The following CHD8 variants were observed in gnomAD, a reference collection of about 807,000 sequenced individuals.
The protein encoded by CHD8 is chromodomain helicase DNA binding protein 8.
In CHD8, 31 loss-of-function variants were observed where a neutral mutation model predicts 279.2. The ratio of observed to expected loss-of-function variants is 0.11; its 90% CI spans 0.08 to 0.15. CHD8 has a LOEUF of 0.15. Ranked by LOEUF, CHD8 falls within the 10% of genes least tolerant of loss-of-function variation. The pLI, the probability that CHD8 is intolerant of heterozygous loss-of-function variation, is 1.00. For synonymous variants in CHD8, 1,081 were observed against 1,139.6 expected, an observed-to-expected ratio of 0.95 and a Z score of 1.04; for missense variants, 2,146 against 3,230.5, an observed-to-expected ratio of 0.66 and a Z score of 8.14.
At position 21,393,757 on chromosome 14, in the gene CHD8, G is replaced by A. The variant is rs1258915812; in HGVS notation, c.6038C>T (p.Ala2013Val). ...APVEKSPEET[A>V]TQVPSLESLT... Reference sequence around the variant, plus strand: ...ACTCTCCAGACTGGGGACCTGGGTAGCTGTCTCCTCGGGTGACTTTTCAAC... The same window carrying A: ...ACTCTCCAGACTGGGGACCTGGGTAACTGTCTCCTCGGGTGACTTTTCAAC... The change falls in exon 32 of 38, where the codon GCT becomes GTT. Residue 2013 changes from alanine to valine, a missense_variant. Around this residue, in one of 26 missense-constraint regions of CHD8, gnomAD observed 513 missense variants for 637.6 expected, o/e 0.80. Transcript: ENST00000646647. The A allele has an allele frequency of 1.2e-6, 2 of 1,613,802 alleles. No individual in the cohort carries two copies. The highest frequency in any genetic ancestry group is 1.7e-6 in the Non-Finnish European group (2 of 1,179,846).
chr14:21,456,010 CG>C (rs1403092196), intron 1 of CHD8, 21 bp downstream of exon 1: 1 of 152,382 alleles, frequency 6.6e-6, no homozygotes, highest in African/African-American at 2.4e-5. Flanking sequence ...CACTGAGGAG[CG>C]GGTGCGAGCG....
Position 21,431,722 on chromosome 14 carries a change from C to A in CHD8, c.-79G>T, listed in dbSNP as rs976354171. On this transcript the variant is annotated 5_prime_UTR_variant, in exon 2 of 38. Coordinates refer to ENST00000646647, the MANE Select transcript of CHD8 (RefSeq NM_001170629.2). ...GGGGGTACTGGCTCTCCCCTCCCCTCCCCTATTAAGAAAAAAATGTACACA... is the reference window on the plus strand; with the variant it reads ...GGGGGTACTGGCTCTCCCCTCCCCTACCCTATTAAGAAAAAAATGTACACA... The A allele has an allele frequency of 1.9e-6, 3 of 1,609,372 alleles. No homozygotes were observed. The highest frequency in any genetic ancestry group is 2.5e-6 in the Non-Finnish European group (3 of 1,177,456).
chr14:21,398,025 GAAT>G, intron 26 of CHD8, 73 bp from the exon 27 acceptor site: 1 of 1,344,480 alleles, frequency 7.4e-7, no homozygotes, highest in Non-Finnish European at 1.0e-6. Context: ...TATGCTGCTG[GAAT>G]AATTAGAATA....
rs1889573899 is a variant in CHD8, at chr14:21,431,758, ACTACT to A, written c.-120_-116del. 6.2e-7 allele frequency: 1 copy of A among 1,612,638 alleles called. No individual in the cohort carries two copies. Among genetic ancestry groups the A allele is most frequent in the Non-Finnish European group, 8.5e-7 (1 of 1,178,958 alleles). Reference sequence around the variant, plus strand: ...AAAAAAATGTACACAATGTAAGAGGACTACTCTTCAAGTATAGAGGCAAGAAACAA... The same window carrying A: ...AAAAAAATGTACACAATGTAAGAGGACTTCAAGTATAGAGGCAAGAAACAA... On this transcript the variant is annotated 5_prime_UTR_variant, in exon 2 of 38. The change abolishes the stop of an existing upstream ORF in the 5' untranslated region. Coordinates refer to ENST00000646647, the MANE Select transcript of CHD8 (RefSeq NM_001170629.2).
In CHD8 at chr14:21,393,892, T is replaced by C. The variant is rs1566413337; in HGVS notation, c.5903A>G (p.His1968Arg). 1 of 1,613,962 alleles carries C rather than the reference T, an allele frequency of 6.2e-7. No homozygotes were observed. The highest frequency in any genetic ancestry group is 8.5e-7 in the Non-Finnish European group (1 of 1,179,884). The part of the protein sequence containing the change: ...LAARMNYMQN[H>R]QAGAPAPSLS... ...GGATGGAGCTGGTGCTCCTGCTTGATGGTTCTGCATATAATTCATACGGGC... is the reference window on the plus strand; with the variant it reads ...GGATGGAGCTGGTGCTCCTGCTTGACGGTTCTGCATATAATTCATACGGGC... Residue 1968 changes from histidine to arginine, a missense_variant, in exon 32 of 38, where the codon CAT (histidine) becomes CGT (arginine). By Grantham distance (29) the His-to-Arg change is conservative. Coordinates refer to ENST00000646647, the MANE Select transcript of CHD8 (RefSeq NM_001170629.2).
At chr14:21,410,069 A>T in intron 10 of CHD8, 81 bp from the exon 11 acceptor site, 1 of 1,374,902 alleles carries the variant, frequency 7.3e-7, no homozygotes. Context: ...TTGATTGTAA[A>T]ATCAGATCAC....
intron 1 of CHD8, among the ~76,000 whole-genome samples, chr14:21,444,738 T>C (rs1006042310): frequency 2.0e-5 from 3 of 152,236 alleles, no homozygotes; most frequent in African/African-American, 7.2e-5. Flanking sequence ...TTTTTTCCTA[T>C]ACCACCCCTT....
intron 1 of CHD8, among the ~76,000 whole-genome samples, chr14:21,449,045 G>A (rs987498903): frequency 9.2e-5 from 14 of 151,952 alleles, no homozygotes; most frequent in African/African-American, 3.1e-4. Flanking sequence ...GTGGTGGCGG[G>A]CGCCTGTAGT....
intron 21 of CHD8, 36 bp from the exon 22 acceptor site, chr14:21,401,107 C>T (rs750745420): frequency 6.9e-7 from 1 of 1,453,714 alleles, no homozygotes; most frequent in South Asian, 1.3e-5. Flanking sequence ...AATTCTCTTC[C>T]TGATTTGCTC....
chr14:21,394,890 C>T, intron 30 of CHD8, 22 bp downstream of exon 30: 1 of 1,610,660 alleles, frequency 6.2e-7, no homozygotes, highest in Non-Finnish European at 8.5e-7. Context: ...CAGATCAGCA[C>T]AAGTTCCCAG....
rs1888124702 is a variant in CHD8, at chr14:21,403,557, A to C, written c.3414T>G (p.Ile1138Met). The change falls in exon 17 of 38, where the codon ATT becomes ATG. Residue 1138 changes from isoleucine (I) to methionine (M), a missense_variant. By Grantham distance (10) the Ile-to-Met change is conservative. Coordinates refer to ENST00000646647, the MANE Select transcript of CHD8 (RefSeq NM_001170629.2). The surrounding 1 kb of genome is among the most constrained non-coding windows in gnomAD (Gnocchi z 4.3). The part of the protein sequence containing the change: ...MVRSAGKLVL[I>M]DKLLPKLKAG... ...CTTTAAGCTTTGGAAGCAACTTGTC[A>C]ATAAGAACCAGTTTGCCGGCTGAAC... 1 of 1,613,434 alleles carries C rather than the reference A, an allele frequency of 6.2e-7. No individual in the cohort carries two copies. Among genetic ancestry groups the C allele is most frequent in the Non-Finnish European group, 8.5e-7 (1 of 1,179,608 alleles).
At chr14:21,425,813 A>G in intron 5 of CHD8, 1 of 251,992 alleles carries the variant, frequency 4.0e-6, no homozygotes, top group Non-Finnish European at 7.5e-6. Flanking sequence ...GTGCATGCCT[A>G]TAATCCCAGT....
chr14:21,388,830 T>C (rs949110083), intron 37 of CHD8, among the ~76,000 whole-genome samples: 1 of 152,134 alleles, frequency 6.6e-6, no homozygotes, highest in African/African-American at 2.4e-5. Context: ...TGGATTTTGG[T>C]ATCTGCAGGG....
At chr14:21,407,471 C>T (rs955066020) in intron 13 of CHD8, among the ~76,000 whole-genome samples, 40 of 151,508 alleles carry the variant, frequency 2.6e-4, no homozygotes, top group African/African-American at 6.8e-4. Flanking sequence ...AAATTAAAAG[C>T]TGCAAAATAT....
intron 36 of CHD8, 23 bp from the exon 37 acceptor site, chr14:21,391,086 T>A: frequency 7.2e-7 from 1 of 1,395,736 alleles, no homozygotes; most frequent in Admixed American, 2.0e-5. Context: ...AAATCAGTTA[T>A]CCTAGAGGAA....
In CHD8 at chr14:21,402,945, TA is replaced by T; in HGVS notation, c.3714+71del. ...TTCCAAACTCTGTGAAAGGTCTTTC[TA>T]AAAGATCCTATTCTTGTTGAAAAAT... On this transcript the variant is annotated intron_variant, in intron 18 of 37. Coordinates refer to ENST00000646647, the MANE Select transcript of CHD8 (RefSeq NM_001170629.2). This position sits in a 1 kb window ranked among gnomAD's most constrained non-coding sequence, Gnocchi z 4.5. 1 of 1,297,340 alleles carries T rather than the reference TA, an allele frequency of 7.7e-7. No individual in the cohort carries two copies. The highest frequency in any genetic ancestry group is 1.1e-6 in the Non-Finnish European group (1 of 933,730). The allele number at this position is 1,297,340 out of a possible 1,614,324, so 80.4% of individuals were successfully genotyped here. A position where few individuals can be genotyped will look rare whatever the true frequency, so the allele number is the denominator to read the frequency against.
intron 1 of CHD8, among the ~76,000 whole-genome samples, chr14:21,441,130 G>A (rs1458191647): frequency 1.3e-5 from 2 of 152,160 alleles, no homozygotes; most frequent in African/African-American, 4.8e-5. Flanking sequence ...CTTTGCAGGA[G>A]TAATGCAAAG....
intron 8 of CHD8, chr14:21,414,672 A>T (rs1888639966): frequency 3.4e-6 from 2 of 594,338 alleles, no homozygotes; most frequent in Non-Finnish European, 3.0e-6. Context: ...TATTTTGAGT[A>T]GCAAGATCTT....
chr14:21,428,918 A>T (rs1381496214), intron 3 of CHD8, 46 bp downstream of exon 3: 8 of 1,596,634 alleles, frequency 5.0e-6, no homozygotes, highest in Non-Finnish European at 6.8e-6. Flanking sequence ...GCAATGGACT[A>T]AGTATTTTTG....
Sources: allele counts gnomAD v4.1 joint callset (sites outside exome capture counted in the v4.1 genomes callset), GRCh38; gene constraint gnomAD v4.1.1; regional missense constraint gnomAD v4.1.1; non-coding constraint Gnocchi (gnomAD v3.1); transcripts MANE v1.5; gene names NCBI Gene and HGNC (gene_info 2026-07-23, HGNC 2026-07-21).